Variants in CADPS observed in about 807,000 individuals in gnomAD.
The protein encoded by CADPS is calcium dependent secretion activator, also known as calcium-dependent secretion activator 1.
In CADPS, 57 loss-of-function variants were observed where a neutral mutation model predicts 167.3. That is an observed-to-expected ratio of 0.34 (90% CI 0.28 to 0.42). The LOEUF (loss-of-function observed/expected upper bound fraction) is 0.42, where lower values mean the gene tolerates loss of function less well. Among genes scored for constraint, CADPS ranks in the 20% least tolerant of loss-of-function variants. The pLI, the probability that CADPS is intolerant of heterozygous loss-of-function variation, is 1.00. For synonymous variants in CADPS, 676 were observed against 635.3 expected (o/e 1.06, Z -0.96); for missense variants, 1,414 against 1,738.1 (o/e 0.81, Z 3.32).
chr3:62,410,941 C>A (rs2048841634), intron 28 of CADPS, among the ~76,000 whole-genome samples: 1 of 152,042 alleles, frequency 6.6e-6, no homozygotes, highest in East Asian at 1.9e-4. Flanking sequence ...ACCGTCTCTA[C>A]AAAAAATTTA....
intron 3 of CADPS, among the ~76,000 whole-genome samples, chr3:62,715,474 C>A (rs2084333498): frequency 6.7e-6 from 1 of 150,022 alleles, no homozygotes; most frequent in Admixed American, 6.7e-5. Flanking sequence ...GCTTGAGTCA[C>A]AAAAGATACC....
chr3:62,566,344 C>T (rs1326147960), intron 9 of CADPS, among the ~76,000 whole-genome samples: 4 of 152,144 alleles, frequency 2.6e-5, no homozygotes, highest in Non-Finnish European at 5.9e-5. Context: ...AACTGAAAAT[C>T]GTTTGTACAT....
At chr3:62,639,558 C>T (rs1482340414) in intron 6 of CADPS, among the ~76,000 whole-genome samples, 1 of 152,138 alleles carries the variant, frequency 6.6e-6, no homozygotes, top group East Asian at 1.9e-4. Context: ...TGTGTTATTC[C>T]CCACTCTAAT....
chr3:62,629,776 G>GTTTTTTTTTTTGTT (rs55721041), intron 6 of CADPS, among the ~76,000 whole-genome samples: 1 of 149,124 alleles, frequency 6.7e-6, no homozygotes, highest in Admixed American at 6.7e-5. Context: ...TTGTTTGTTT[G>GTTTTTTTTTTTGTT]TTTGTTTTTT....
At chr3:62,830,356 C>A (rs774537393) in intron 1 of CADPS, among the ~76,000 whole-genome samples, 8 of 152,060 alleles carry the variant, frequency 5.3e-5, no homozygotes, top group Admixed American at 3.9e-4. Context: ...GAAAATTTAC[C>A]CCCATCTGAG....
At chr3:62,523,717 C>G (rs1041337730) in intron 13 of CADPS, among the ~76,000 whole-genome samples, 1 of 152,156 alleles carries the variant, frequency 6.6e-6, no homozygotes, top group African/African-American at 2.4e-5. Flanking sequence ...AGTGTCTGGT[C>G]CACTGCTCCG....
intron 6 of CADPS, chr3:62,626,518 C>T (rs750043223): frequency 1.1e-5 from 8 of 702,584 alleles, no homozygotes; most frequent in Middle Eastern, 2.3e-4. Context: ...GGCACAAAGA[C>T]GGGACATCAA....
intron 1 of CADPS, among the ~76,000 whole-genome samples, chr3:62,795,705 T>A (rs1431498785): frequency 6.6e-6 from 1 of 152,106 alleles, no homozygotes; most frequent in Non-Finnish European, 1.5e-5. Context: ...GAACTTTGAG[T>A]CTCTTGGGCA....
chr3:62,457,004 C>G (rs376445213), intron 26 of CADPS, among the ~76,000 whole-genome samples: 2 of 152,216 alleles, frequency 1.3e-5, no homozygotes, highest in East Asian at 3.9e-4. Flanking sequence ...CGATTGAATG[C>G]ACTCTAGACA....
At chr3:62,822,370 G>T (rs1489144829) in intron 1 of CADPS, among the ~76,000 whole-genome samples, 1 of 152,082 alleles carries the variant, frequency 6.6e-6, no homozygotes, top group East Asian at 1.9e-4. Flanking sequence ...ACTCCATGAG[G>T]GTAGAGAATA....
At chr3:62,565,497 A>T (rs1429579637) in intron 9 of CADPS, among the ~76,000 whole-genome samples, 1 of 152,078 alleles carries the variant, frequency 6.6e-6, no homozygotes, top group Non-Finnish European at 1.5e-5. Context: ...TGCCTTTTAT[A>T]AGTACGGAAT....
At chr3:62,648,976 A>G (rs2069304342) in intron 5 of CADPS, among the ~76,000 whole-genome samples, 1 of 152,198 alleles carries the variant, frequency 6.6e-6, no homozygotes, top group Non-Finnish European at 1.5e-5. Flanking sequence ...ACTGCACAAT[A>G]CATGTTGAAA....
chr3:62,874,795 G>T lies in CADPS; in HGVS notation c.235C>A (p.Gln79Lys). The change falls in exon 1 of 30, where the codon CAA becomes AAA. Residue 79 changes from glutamine to lysine, a missense_variant. Coordinates refer to ENST00000383710, the MANE Select transcript of CADPS (RefSeq NM_003716.4). The surrounding 1 kb of genome is among the most constrained non-coding windows in gnomAD (Gnocchi z 7.1). Reference protein sequence around the residue: ...ASSGGGAGGLQPSSRAGGGRP... With the variant: ...ASSGGGAGGLKPSSRAGGGRP... ...CCGCCGCCAGCGCGGCTGCTGGGTT[G>T]CAGCCCCCCGGCCCCGCCGCCGCTG... 1.5e-6 allele frequency: 2 copies of T among 1,355,452 alleles called. No homozygotes were observed. Among genetic ancestry groups the T allele is most frequent in the Non-Finnish European group, 2.0e-6 (2 of 1,013,038 alleles). 84.0% of individuals were successfully genotyped at this position (1,355,452 alleles called of 1,614,324 possible).
In CADPS at chr3:62,748,302, C is replaced by T. The variant is rs539076745; in HGVS notation, c.888+5139G>A. On this transcript the variant is annotated intron_variant, in intron 3 of 29. Transcript: ENST00000383710. ...CGGAGCTTGCAGTGAGCCGAGATTG[C>T]GCCACTGCACTCCAGCCTGGGCGAG... 1.4e-3 allele frequency among the ~76,000 whole-genome samples: 180 copies of T among 132,258 alleles called. 1 individual carries two copies. Among genetic ancestry groups the T allele is most frequent in the South Asian group, 8.0e-3 (33 of 4,110 alleles). The allele number at this position is 132,258 out of a possible 152,430, so 86.8% of individuals were successfully genotyped here. A position where few individuals can be genotyped will look rare whatever the true frequency, so the allele number is the denominator to read the frequency against.
At chr3:62,488,651 C>G (rs905282733) in intron 21 of CADPS, among the ~76,000 whole-genome samples, 2 of 152,028 alleles carry the variant, frequency 1.3e-5, no homozygotes, top group African/African-American at 4.8e-5. Flanking sequence ...GCCACCATGC[C>G]TGGCTACTTT....
intron 6 of CADPS, among the ~76,000 whole-genome samples, chr3:62,633,083 C>A (rs938390172): frequency 6.6e-6 from 1 of 152,000 alleles, no homozygotes; most frequent in Non-Finnish European, 1.5e-5. Flanking sequence ...TAAACAATTG[C>A]AAACTCCGGA....
At chr3:62,441,512 G>A (rs1399636728) in intron 27 of CADPS, among the ~76,000 whole-genome samples, 1 of 152,172 alleles carries the variant, frequency 6.6e-6, no homozygotes, top group East Asian at 1.9e-4. Context: ...AAAGACATAT[G>A]CTTTGGGGAT....
intron 3 of CADPS, among the ~76,000 whole-genome samples, chr3:62,681,370 G>C (rs2077132939): frequency 6.6e-6 from 1 of 152,032 alleles, no homozygotes; most frequent in African/African-American, 2.4e-5. Context: ...TTCTCCATTA[G>C]GGTATGAGTT....
At chr3:62,658,670 G>C (rs2072361406) in intron 4 of CADPS, among the ~76,000 whole-genome samples, 2 of 152,064 alleles carry the variant, frequency 1.3e-5, no homozygotes, top group Admixed American at 1.3e-4. Flanking sequence ...GGTACATCTG[G>C]AGTGCTTCCC....
Sources: gnomAD v4.1 joint callset for allele counts (sites outside exome capture counted in the v4.1 genomes callset) on GRCh38, gnomAD v4.1.1 for gene constraint, Gnocchi (gnomAD v3.1) non-coding constraint, MANE v1.5 for transcripts, NCBI Gene and HGNC (gene_info 2026-07-23, HGNC 2026-07-21) for gene names.